Variants in TMEM117 observed in about 807,000 individuals in gnomAD.
The protein encoded by TMEM117 is transmembrane protein 117.
In TMEM117, 27 loss-of-function variants were observed where a neutral mutation model predicts 52.4. The observed-to-expected ratio is 0.51, with a 90% CI of 0.38 to 0.71. The LOEUF (loss-of-function observed/expected upper bound fraction) is 0.71. Among genes scored for constraint, TMEM117 ranks in the 30% least tolerant of loss-of-function variants. The pLI is 0.00. For missense variants in TMEM117, 556 were observed against 630.5 expected (o/e 0.88, Z 1.26); for synonymous variants, 215 against 206.3 (o/e 1.04, Z -0.36).
chr12:43,861,607 C>T (rs184768929), intron 2 of TMEM117, among the ~76,000 whole-genome samples: 219 of 152,302 alleles, frequency 1.4e-3, no homozygotes, highest in Non-Finnish European at 2.2e-3. Flanking sequence ...TACTCTTCTT[C>T]GGAACACTGT....
chr12:44,084,806 T>TA (rs1165146322), intron 3 of TMEM117, among the ~76,000 whole-genome samples: 1 of 152,172 alleles, frequency 6.6e-6, no homozygotes, highest in Non-Finnish European at 1.5e-5. Context: ...GCTTCCTATA[T>TA]AAAAAAGCAC....
At chr12:44,147,850 T>A (rs1948666465) in intron 4 of TMEM117, among the ~76,000 whole-genome samples, 1 of 151,044 alleles carries the variant, frequency 6.6e-6, no homozygotes, top group African/African-American at 2.4e-5. Context: ...CAGAATGGCT[T>A]GAACCTGGGA....
chr12:43,806,077 AG>A, the TMEM117 span: 2 of 1,517,524 alleles, frequency 1.3e-6, no homozygotes, highest in Non-Finnish European at 1.8e-6. Context: ...AGGAGCGCGG[AG>A]AGGCGCCGAG....
intron 6 of TMEM117, among the ~76,000 whole-genome samples, chr12:44,336,873 A>C (rs982133261): frequency 3.9e-5 from 6 of 152,102 alleles, no homozygotes; most frequent in African/African-American, 1.4e-4. Context: ...AGTAAACATC[A>C]ATCAGACCTA....
intron 3 of TMEM117, among the ~76,000 whole-genome samples, chr12:44,076,311 A>G (rs942976709): frequency 2.0e-5 from 3 of 152,188 alleles, no homozygotes; most frequent in Non-Finnish European, 2.9e-5. Flanking sequence ...AAGTTACTTG[A>G]TATATGAGCC....
At chr12:44,095,196 A>G (rs1488280915) in intron 3 of TMEM117, among the ~76,000 whole-genome samples, 1 of 152,114 alleles carries the variant, frequency 6.6e-6, no homozygotes, top group East Asian at 1.9e-4. Flanking sequence ...TTACACAAGC[A>G]TGTACTAGCA....
chr12:44,273,607 G>T (rs1419322090), intron 5 of TMEM117, among the ~76,000 whole-genome samples: 1 of 151,950 alleles, frequency 6.6e-6, no homozygotes, highest in African/African-American at 2.4e-5. Flanking sequence ...AAATTAAAAA[G>T]ATCATTCATC....
chr12:44,213,036 T>A (rs1267520093), intron 5 of TMEM117, among the ~76,000 whole-genome samples: 1 of 152,234 alleles, frequency 6.6e-6, no homozygotes, highest in African/African-American at 2.4e-5. Context: ...ACATGTGGCC[T>A]ATGGTACTAT....
At chr12:43,877,215 T>C (rs1943812831) in intron 2 of TMEM117, among the ~76,000 whole-genome samples, 1 of 152,212 alleles carries the variant, frequency 6.6e-6, no homozygotes, top group Admixed American at 6.5e-5. Flanking sequence ...TGTGCACATT[T>C]TTCACTTGGT....
At chr12:44,204,382 A>G (rs1475777833) in intron 4 of TMEM117, among the ~76,000 whole-genome samples, 1 of 152,216 alleles carries the variant, frequency 6.6e-6, no homozygotes, top group Non-Finnish European at 1.5e-5. Context: ...TGTATCTACA[A>G]TGAGAATTAG....
intron 3 of TMEM117, among the ~76,000 whole-genome samples, chr12:44,019,153 G>C (rs1187691313): frequency 6.6e-6 from 1 of 151,858 alleles, no homozygotes; most frequent in Non-Finnish European, 1.5e-5. Context: ...GTTTTTGTAT[G>C]AAAGAATGTT....
intron 6 of TMEM117, among the ~76,000 whole-genome samples, chr12:44,323,965 C>A (rs1191395113): frequency 6.6e-6 from 1 of 152,030 alleles, no homozygotes; most frequent in Non-Finnish European, 1.5e-5. Flanking sequence ...TATATAGGAG[C>A]TATTTGTGGT....
intron 5 of TMEM117, among the ~76,000 whole-genome samples, chr12:44,217,426 G>A (rs577626514): frequency 4.6e-5 from 7 of 152,276 alleles, no homozygotes; most frequent in Admixed American, 1.3e-4. Context: ...ATTCCCCTCA[G>A]CACTGCTGGT....
chr12:43,900,866 G>C (rs1944293083), intron 2 of TMEM117, among the ~76,000 whole-genome samples: 1 of 151,938 alleles, frequency 6.6e-6, no homozygotes, highest in South Asian at 2.1e-4. Flanking sequence ...AGAAGAGGAA[G>C]AACAATGAAA....
chr12:43,981,384 A>G (rs1393333580), intron 3 of TMEM117, among the ~76,000 whole-genome samples: 1 of 152,222 alleles, frequency 6.6e-6, no homozygotes, highest in Middle Eastern at 3.2e-3. Flanking sequence ...CTTAATCTGT[A>G]TAGTGCTGGA....
chr12:44,212,944 TAAAC>T (rs1246608360), intron 5 of TMEM117, among the ~76,000 whole-genome samples: 2 of 152,128 alleles, frequency 1.3e-5, no homozygotes, highest in Admixed American at 6.6e-5. Flanking sequence ...TCTTAACAGG[TAAAC>T]AAAAGTGGAT....
At chr12:43,816,325 C>T in the TMEM117 span, among the ~76,000 whole-genome samples, 1 of 151,620 alleles carries the variant, frequency 6.6e-6, no homozygotes, top group Non-Finnish European at 1.5e-5. Context: ...CCACTACCCA[C>T]GATGTTACTC....
intron 5 of TMEM117, among the ~76,000 whole-genome samples, chr12:44,241,021 C>T (rs1950054899): frequency 6.6e-6 from 1 of 151,912 alleles, no homozygotes; most frequent in Non-Finnish European, 1.5e-5. Context: ...TTTCAGAGCC[C>T]TTGTGGATAC....
At chr12:43,842,396 T>G (rs1943129743) in intron 1 of TMEM117, among the ~76,000 whole-genome samples, 1 of 152,174 alleles carries the variant, frequency 6.6e-6, no homozygotes, top group Admixed American at 6.5e-5. Context: ...TTAAAATTGC[T>G]TAGAAGGCTT....
Sources: gnomAD v4.1 joint callset for allele counts (sites outside exome capture counted in the v4.1 genomes callset) on GRCh38, gnomAD v4.1.1 for gene constraint, MANE v1.5 for transcripts, NCBI Gene and HGNC (gene_info 2026-07-23, HGNC 2026-07-21) for gene names.